Variants in RHOT1 observed in about 807,000 individuals in gnomAD.
RHOT1 encodes mitochondrial Rho GTPase 1.
Under a neutral mutation model 95.3 loss-of-function variants are expected in RHOT1, and 27 were observed. The observed-to-expected ratio is 0.28, with a 90% CI of 0.21 to 0.39. The LOEUF (loss-of-function observed/expected upper bound fraction) is 0.39. RHOT1 is among the 10% of genes least tolerant of loss of function. The pLI is 1.00. For synonymous variants in RHOT1, 227 were observed against 263.5 expected (o/e 0.86, Z 1.34); for missense variants, 578 against 786.7 (o/e 0.73, Z 3.17).
intron 1 of RHOT1, among the ~76,000 whole-genome samples, chr17:32,156,677 C>T (rs931102310): frequency 6.6e-6 from 1 of 152,254 alleles, no homozygotes; most frequent in African/African-American, 2.4e-5. Flanking sequence ...TCTAGTCCAC[C>T]TATCCCCACC....
intron 18 of RHOT1, 51 bp downstream of exon 18, chr17:32,208,360 T>C (rs1444926551): frequency 7.5e-6 from 11 of 1,462,960 alleles, no homozygotes; most frequent in Non-Finnish European, 1.1e-5. Flanking sequence ...TAACATTGCA[T>C]GCCATTATTA....
chr17:32,200,336 C>G (rs927651270), intron 13 of RHOT1, among the ~76,000 whole-genome samples: 15 of 151,792 alleles, frequency 9.9e-5, no homozygotes, highest in African/African-American at 2.9e-4. Flanking sequence ...TAAAATATCC[C>G]CACTCTATCT....
chr17:32,206,192 C>CTTTTTTTTTTTTTTTTTTTT (rs71144812), intron 16 of RHOT1, among the ~76,000 whole-genome samples: 1 of 60,518 alleles, frequency 1.7e-5, no homozygotes, highest in African/African-American at 7.7e-5. Context: ...TCCATAGAAT[C>CTTTTTTTTTTTTTTTTTTTT]TTTTTTTTTT....
intron 19 of RHOT1, among the ~76,000 whole-genome samples, chr17:32,212,102 C>T (rs2038172674): frequency 1.3e-5 from 2 of 152,086 alleles, no homozygotes; most frequent in African/African-American, 4.8e-5. Context: ...TCTTTGGGAG[C>T]TGGGCTTGAT....
chr17:32,155,892 G>T (rs947662190), intron 1 of RHOT1, among the ~76,000 whole-genome samples: 3 of 152,268 alleles, frequency 2.0e-5, no homozygotes, highest in South Asian at 4.2e-4. Flanking sequence ...TTATGGGGAA[G>T]AAATCCTATC....
chr17:32,196,094 C>T (rs935310354), intron 11 of RHOT1, among the ~76,000 whole-genome samples: 16 of 152,104 alleles, frequency 1.1e-4, no homozygotes, highest in African/African-American at 3.1e-4. Context: ...ATCTATCCTT[C>T]ACATTACTGC....
intron 1 of RHOT1, chr17:32,150,702 A>G (rs1237362480): frequency 8.1e-6 from 13 of 1,603,296 alleles, no homozygotes; most frequent in African/African-American, 4.0e-5. Flanking sequence ...GGGATATGTC[A>G]TAGGCATCAG....
At chr17:32,182,627 G>A in intron 6 of RHOT1, 130 bp from the exon 7 acceptor site, 1 of 608,188 alleles carries the variant, frequency 1.6e-6, no homozygotes, top group South Asian at 2.5e-5. Flanking sequence ...CAACCTGACT[G>A]TAGAGAAAGG....
chr17:32,201,115 C>G (rs2037285145), intron 14 of RHOT1, 59 bp downstream of exon 14: 1 of 985,082 alleles, frequency 1.0e-6, no homozygotes, highest in Non-Finnish European at 1.5e-6. Context: ...ACTCCATTTT[C>G]AAATGTAACA....
At chr17:32,148,354 C>CA (rs1209159210) in intron 1 of RHOT1, among the ~76,000 whole-genome samples, 1 of 152,202 alleles carries the variant, frequency 6.6e-6, no homozygotes, top group African/African-American at 2.4e-5. Context: ...CAGAGAAAGT[C>CA]AAAGTTCAAA....
chr17:32,187,501 TA>T lies in RHOT1; in HGVS notation c.540+4230del, dbSNP rs1485978173. On this transcript the variant is annotated intron_variant, in intron 8 of 19. Coordinates refer to ENST00000545287, the MANE Select transcript of RHOT1 (RefSeq NM_001033566.3). Reference sequence around the variant, plus strand: ...TTGCAGATATCTTTCAGGAAAAGTTTATAGTATAAGTGAGTGGTTAGCAATG... The same window carrying T: ...TTGCAGATATCTTTCAGGAAAAGTTTTAGTATAAGTGAGTGGTTAGCAATG... Among the ~76,000 whole-genome samples, 30 of 152,298 alleles carry T rather than the reference TA, an allele frequency of 2.0e-4. No individual in the cohort carries two copies. In the East Asian group the frequency reaches 5.6e-3, roughly 28 times the overall value.
chr17:32,204,398 A>C (rs2142864891), intron 16 of RHOT1, among the ~76,000 whole-genome samples: 1 of 152,068 alleles, frequency 6.6e-6, no homozygotes, highest in African/African-American at 2.4e-5. Flanking sequence ...TAAAAATACA[A>C]AATTAGCCGG....
chr17:32,143,135 C>T (rs928621666), intron 1 of RHOT1: 2 of 534,326 alleles, frequency 3.7e-6, no homozygotes, highest in Middle Eastern at 2.9e-4. Context: ...CTGGAGATTC[C>T]CTTATCACTG....
At chr17:32,150,987 A>G (rs1453660171) in intron 1 of RHOT1, 6 of 1,538,634 alleles carry the variant, frequency 3.9e-6, no homozygotes, top group Middle Eastern at 1.7e-4. Context: ...TGCTGCTTCA[A>G]TTTGAATCGC....
intron 6 of RHOT1, among the ~76,000 whole-genome samples, chr17:32,180,861 CTT>C (rs1242830179): frequency 6.6e-6 from 1 of 152,150 alleles, no homozygotes; most frequent in Non-Finnish European, 1.5e-5. Flanking sequence ...TTTTAAAAAA[CTT>C]TTGTAGAAAC....
intron 11 of RHOT1, among the ~76,000 whole-genome samples, chr17:32,198,041 T>C (rs1268442885): frequency 6.6e-6 from 1 of 152,174 alleles, no homozygotes; most frequent in African/African-American, 2.4e-5. Flanking sequence ...ACTACAAGCA[T>C]GTGCCACCAT....
At chr17:32,205,206 C>T (rs1307406028) in intron 16 of RHOT1, among the ~76,000 whole-genome samples, 1 of 151,918 alleles carries the variant, frequency 6.6e-6, no homozygotes, top group Non-Finnish European at 1.5e-5. Context: ...TGTGATGTTC[C>T]CCTCCCTGTG....
chr17:32,190,116 C>T (rs1311053217), intron 8 of RHOT1, among the ~76,000 whole-genome samples: 1 of 151,908 alleles, frequency 6.6e-6, no homozygotes, highest in Non-Finnish European at 1.5e-5. Flanking sequence ...TGACATTGGG[C>T]CAATACCTTA....
chr17:32,191,333 A>G (rs2036474100), intron 8 of RHOT1, among the ~76,000 whole-genome samples: 1 of 152,132 alleles, frequency 6.6e-6, no homozygotes, highest in Admixed American at 6.6e-5. Flanking sequence ...ACCATTTTGT[A>G]AGTTAATAAG....
Sources: gnomAD v4.1 joint callset for allele counts (sites outside exome capture counted in the v4.1 genomes callset) on GRCh38, gnomAD v4.1.1 for gene constraint, MANE v1.5 for transcripts, NCBI Gene and HGNC (gene_info 2026-07-23, HGNC 2026-07-21) for gene names.